CDH4: variants seen among roughly 807,000 people sequenced by gnomAD.
CDH4 encodes the protein cadherin-4.
A neutral mutation model predicts 86.0 loss-of-function variants in CDH4; 33 were observed. The ratio of observed to expected loss-of-function variants is 0.38; its 90% confidence interval spans 0.29 to 0.51. CDH4 has a LOEUF of 0.51. Among genes scored for constraint, CDH4 ranks in the 20% least tolerant of loss-of-function variants. The pLI, the probability that CDH4 is intolerant of heterozygous loss-of-function variation, is 0.86. For synonymous variants in CDH4, 555 were observed against 549.4 expected (o/e 1.01, Z -0.14); for missense variants, 1,114 against 1,307.4 (o/e 0.85, Z 2.28).
intron 2 of CDH4, among the ~76,000 whole-genome samples, chr20:61,383,337 TGATATATATGAATATATATG>T (rs1320506140): frequency 0.095 from 4,684 of 49,180 alleles, 877 homozygotes; most frequent in African/African-American, 0.31. Context: ...TGAATATATG[TGATATATATGAATATATATG>T]GATATATATG....
intron 4 of CDH4, among the ~76,000 whole-genome samples, chr20:61,821,690 C>G (rs1387249554): frequency 6.6e-6 from 1 of 152,206 alleles, no homozygotes; most frequent in Non-Finnish European, 1.5e-5. Flanking sequence ...CCTGAAAGAC[C>G]CTTGGGGGGG....
At chr20:61,604,377 A>ACTCAAG (rs889641357) in intron 2 of CDH4, among the ~76,000 whole-genome samples, 2 of 152,190 alleles carry the variant, frequency 1.3e-5, no homozygotes, top group African/African-American at 4.8e-5. Flanking sequence ...AGTTATTAAT[A>ACTCAAG]CTGTGATGCA....
intron 2 of CDH4, among the ~76,000 whole-genome samples, chr20:61,324,874 T>G (rs903234260): frequency 7.9e-5 from 12 of 152,266 alleles, no homozygotes; most frequent in African/African-American, 2.6e-4. Context: ...AGGAGAGCTT[T>G]GGGACATGGA....
intron 2 of CDH4, among the ~76,000 whole-genome samples, chr20:61,513,104 G>T (rs916320628): frequency 1.2e-4 from 19 of 152,170 alleles, no homozygotes; most frequent in African/African-American, 4.3e-4. Flanking sequence ...TGTCCTACAG[G>T]TAGGCCGTCC....
At chr20:61,654,175 C>G (rs2087161595) in intron 2 of CDH4, among the ~76,000 whole-genome samples, 1 of 152,198 alleles carries the variant, frequency 6.6e-6, no homozygotes, top group East Asian at 1.9e-4. Context: ...GCAATCCCAG[C>G]ACCTCGGGAG....
Position 61,518,389 on chromosome 20 carries a change from A to C in CDH4, c.170-225174A>C, listed in dbSNP as rs1364666580. On this transcript the variant is annotated intron_variant, in intron 2 of 15. Coordinates refer to ENST00000614565, the MANE Select transcript of CDH4 (RefSeq NM_001794.5). The surrounding 1 kb of genome is among the most constrained non-coding windows in gnomAD (Gnocchi z 6.3). ...TTATCAGATAGGCTGGAATTTGGCC[A>C]AATTCTCTGTTATGATGAGGCTGTC... Among the ~76,000 whole-genome samples, 2 of 152,152 alleles carry C rather than the reference A, an allele frequency of 1.3e-5. No homozygotes were observed. The highest frequency in any genetic ancestry group is 2.9e-5 in the Non-Finnish European group (2 of 68,004).
intron 2 of CDH4, among the ~76,000 whole-genome samples, chr20:61,352,304 C>T (rs1437193144): frequency 1.3e-5 from 2 of 152,224 alleles, no homozygotes; most frequent in South Asian, 2.1e-4. Flanking sequence ...CATGCCGTGT[C>T]GGAACAAAGA....
At position 61,359,441 on chromosome 20, in the gene CDH4, C is replaced by G. The variant is rs559299254; in HGVS notation, c.169+104504C>G. On this transcript the variant is annotated intron_variant, in intron 2 of 15. Coordinates refer to ENST00000614565, the MANE Select transcript of CDH4 (RefSeq NM_001794.5). ...CCCCTGGGAGCACCGCTGTGAAGCT[C>G]CCGACTTCCCCAGCACGCAGGCCGC... 5.1e-4 allele frequency among the ~76,000 whole-genome samples: 77 copies of G among 152,304 alleles called. 1 individual carries two copies. In the South Asian group the frequency reaches 0.015, roughly 29 times the overall value.
intron 8 of CDH4, among the ~76,000 whole-genome samples, chr20:61,897,072 C>T (rs1985163018): frequency 6.6e-6 from 1 of 152,166 alleles, no homozygotes; most frequent in Non-Finnish European, 1.5e-5. Context: ...TCACACTGAG[C>T]CCCCCACAGA....
chr20:61,508,993 G>A (rs1257211699), intron 2 of CDH4, among the ~76,000 whole-genome samples: 1 of 150,992 alleles, frequency 6.6e-6, no homozygotes, highest in African/African-American at 2.5e-5. Flanking sequence ...TCGCCCAGTG[G>A]TACATGCTCG....
chr20:61,312,397 GGTGTGTGCATGT>G (rs11270675), intron 2 of CDH4, among the ~76,000 whole-genome samples: 3,099 of 151,882 alleles, frequency 0.02, 89 homozygotes, highest in East Asian at 0.13. Context: ...TGAGTGGTGT[GGTGTGTGCATGT>G]GTGTGTGCAT....
In CDH4 at chr20:61,709,826, A is replaced by G; in HGVS notation, c.170-33737A>G. On this transcript the variant is annotated intron_variant, in intron 2 of 15. Coordinates refer to ENST00000614565, the MANE Select transcript of CDH4 (RefSeq NM_001794.5). The surrounding 1 kb of genome is among the most constrained non-coding windows in gnomAD (Gnocchi z 4.8). ...GTTTTCCCACAGATGGCACAAGCTAATTATTCTCATTTGTGTAGCACCTTA... is the reference window on the plus strand; with the variant it reads ...GTTTTCCCACAGATGGCACAAGCTAGTTATTCTCATTTGTGTAGCACCTTA... 6.6e-6 allele frequency among the ~76,000 whole-genome samples: 1 copy of G among 152,152 alleles called. No individual in the cohort carries two copies. The highest frequency in any genetic ancestry group is 6.5e-5 in the Admixed American group (1 of 15,278).
At chr20:61,373,814 G>A (rs1360709317) in intron 2 of CDH4, among the ~76,000 whole-genome samples, 5 of 152,218 alleles carry the variant, frequency 3.3e-5, no homozygotes, top group Non-Finnish European at 1.5e-5. Flanking sequence ...CAACATAAAT[G>A]CTAAGTGTGA....
chr20:61,710,592 T>C (rs1182564203), intron 2 of CDH4, among the ~76,000 whole-genome samples: 1 of 152,176 alleles, frequency 6.6e-6, no homozygotes, highest in Non-Finnish European at 1.5e-5. Context: ...CCCCTGCCTC[T>C]GGGGCCCTGG....
chr20:61,917,454 C>T (rs1011222891), intron 9 of CDH4, among the ~76,000 whole-genome samples: 4 of 152,270 alleles, frequency 2.6e-5, no homozygotes, highest in South Asian at 2.1e-4. Context: ...ACTTCCCCTT[C>T]GGGCAGCAAC....
At chr20:61,670,471 A>G (rs1169096881) in intron 2 of CDH4, among the ~76,000 whole-genome samples, 1 of 152,196 alleles carries the variant, frequency 6.6e-6, no homozygotes, top group Non-Finnish European at 1.5e-5. Context: ...GTGTCCCCTG[A>G]TGGAGCCAAG....
chr20:61,654,380 G>A (rs961314420), intron 2 of CDH4, among the ~76,000 whole-genome samples: 8 of 152,224 alleles, frequency 5.3e-5, no homozygotes, highest in Non-Finnish European at 1.2e-4. Flanking sequence ...CAGCAGTACA[G>A]TCCAGCTTTG....
At chr20:61,545,197 T>C (rs1209568683) in intron 2 of CDH4, among the ~76,000 whole-genome samples, 1 of 152,236 alleles carries the variant, frequency 6.6e-6, no homozygotes, top group Non-Finnish European at 1.5e-5. Context: ...ACTGCTCCCA[T>C]GTGGGAGCAA....
chr20:61,588,809 A>AT (rs1438460911), intron 2 of CDH4, among the ~76,000 whole-genome samples: 1 of 152,048 alleles, frequency 6.6e-6, no homozygotes, highest in African/African-American at 2.4e-5. Context: ...CACCTCATAA[A>AT]TTTTAACAGC....
Sources: gnomAD v4.1 joint callset for allele counts (sites outside exome capture counted in the v4.1 genomes callset) on GRCh38, gnomAD v4.1.1 for gene constraint, Gnocchi (gnomAD v3.1) non-coding constraint, MANE v1.5 for transcripts, NCBI Gene and HGNC (gene_info 2026-07-23, HGNC 2026-07-21) for gene names.